WFDC1: variants seen among roughly 807,000 people sequenced by gnomAD.
WFDC1 encodes WAP four-disulfide core domain 1.
Under a neutral mutation model 32.9 loss-of-function variants are expected in WFDC1, and 39 were observed. The observed-to-expected ratio is 1.19, with a 90% CI of 0.92 to 1.55. The LOEUF (loss-of-function observed/expected upper bound fraction) is 1.55. WFDC1 is among the 40% of genes most tolerant of loss of function. The pLI, the probability that WFDC1 is intolerant of heterozygous loss-of-function variation, is 0.00. For missense variants in WFDC1, 386 were observed against 309.5 expected, an observed-to-expected ratio of 1.25 and a Z score of -1.85; for synonymous variants, 184 against 137.4, an observed-to-expected ratio of 1.34 and a Z score of -2.37.
At chr16:84,320,724 A>G (rs971675842) in intron 4 of WFDC1, among the ~76,000 whole-genome samples, 1 of 152,182 alleles carries the variant, frequency 6.6e-6, no homozygotes, top group Non-Finnish European at 1.5e-5. Flanking sequence ...TCAGACTGAG[A>G]CCACACCCAG....
chr16:84,321,498 A>C (rs1011789688), intron 4 of WFDC1, among the ~76,000 whole-genome samples: 1 of 152,212 alleles, frequency 6.6e-6, no homozygotes, highest in Non-Finnish European at 1.5e-5. Context: ...ATTTATAATA[A>C]TGACGGCATA....
intron 1 of WFDC1, among the ~76,000 whole-genome samples, chr16:84,304,063 T>C (rs938912714): frequency 6.6e-6 from 1 of 152,230 alleles, no homozygotes; most frequent in Non-Finnish European, 1.5e-5. Flanking sequence ...CCTTCACTTA[T>C]GTATCCAGCC....
intron 5 of WFDC1, among the ~76,000 whole-genome samples, chr16:84,324,892 C>T (rs1392983260): frequency 6.6e-6 from 1 of 151,974 alleles, no homozygotes; most frequent in African/African-American, 2.4e-5. Context: ...TTCATCCATC[C>T]ATCCTCTCAT....
intron 2 of WFDC1, among the ~76,000 whole-genome samples, chr16:84,313,561 C>A (rs766391048): frequency 2.0e-5 from 3 of 152,196 alleles, no homozygotes; most frequent in Non-Finnish European, 4.4e-5. Flanking sequence ...CTTTAAAATA[C>A]CGGACCATGT....
chr16:84,297,411 A>T (rs1906660691), intron 1 of WFDC1, among the ~76,000 whole-genome samples: 1 of 152,132 alleles, frequency 6.6e-6, no homozygotes, highest in South Asian at 2.1e-4. Flanking sequence ...TGAGGTCAGG[A>T]GTTCAAGACC....
Position 84,302,517 on chromosome 16 carries a change from C to T in WFDC1, c.144+7402C>T, listed in dbSNP as rs561266396. 6.6e-5 allele frequency among the ~76,000 whole-genome samples: 10 copies of T among 152,116 alleles called. No individual in the cohort carries two copies. The South Asian group carries it at 2.1e-3, about 32-fold the overall frequency. ...TCTCAGCAAGTGTCCGCTCACGGTG[C>T]CCACTCCGGCTCGTGGGTCATCGTA... On this transcript the variant is annotated intron_variant, in intron 1 of 6. Coordinates refer to ENST00000219454, the MANE Select transcript of WFDC1 (RefSeq NM_021197.4).
intron 5 of WFDC1, 43 bp downstream of exon 5, chr16:84,324,503 A>T (rs1031304110): frequency 1.3e-6 from 2 of 1,597,972 alleles, no homozygotes; most frequent in African/African-American, 2.7e-5. Flanking sequence ...GGCACAAAAA[A>T]AAGGCAGTGA....
rs1304243184 is a variant in WFDC1 at position 84,319,518 on chromosome 16, TG to T, written c.511del (p.Ala171ProfsTer57). The T allele has an allele frequency of 1.2e-6, 2 of 1,612,930 alleles. No homozygotes were observed. The highest frequency in any genetic ancestry group is 2.7e-5 in the African/African-American group (2 of 74,894). Reference sequence around the variant, plus strand: ...TGCCACATCCTGAGCCCAGGTGACGTGGCCGAAGGTATCCCCAACCGTGGGC... The same window carrying T: ...TGCCACATCCTGAGCCCAGGTGACGTGCCGAAGGTATCCCCAACCGTGGGC... ...YECHILSPGD[V>X]AEGIPNRGQC... On this transcript the variant is annotated frameshift_variant, in exon 4 of 7. Transcript: ENST00000219454. LOFTEE classifies it high-confidence loss of function.
chr16:84,315,788 T>G (rs1000580360), intron 2 of WFDC1, among the ~76,000 whole-genome samples: 3 of 152,186 alleles, frequency 2.0e-5, no homozygotes, highest in Non-Finnish European at 2.9e-5. Flanking sequence ...CTGGTCTAAC[T>G]CAGGCCCTGT....
intron 1 of WFDC1, among the ~76,000 whole-genome samples, chr16:84,300,182 G>C (rs923615619): frequency 1.3e-5 from 2 of 152,242 alleles, no homozygotes; most frequent in Admixed American, 6.5e-5. Flanking sequence ...CTGGCCTGAA[G>C]GCTTTCTCTG....
At chr16:84,296,683 A>G (rs1862807) in intron 1 of WFDC1, among the ~76,000 whole-genome samples, 5,569 of 152,244 alleles carry the variant, frequency 0.037, 140 homozygotes, top group Non-Finnish European at 0.055. Flanking sequence ...TGGAAAGAGT[A>G]GTAGAGTGAC....
intron 4 of WFDC1, among the ~76,000 whole-genome samples, chr16:84,323,791 A>C (rs1042607348): frequency 2.0e-5 from 3 of 152,162 alleles, no homozygotes; most frequent in Non-Finnish European, 4.4e-5. Flanking sequence ...TTTACTCAAC[A>C]GTGTGTTGAA....
chr16:84,324,677 G>A (rs1908485500), intron 5 of WFDC1, among the ~76,000 whole-genome samples: 2 of 152,196 alleles, frequency 1.3e-5, no homozygotes, highest in African/African-American at 4.8e-5. Flanking sequence ...ATGCTGAAGA[G>A]CAGAGCCTGG....
At position 84,319,163 on chromosome 16, in the gene WFDC1, A is replaced by T. The variant is rs569163890; in HGVS notation, c.422-268A>T. 3.6e-4 allele frequency: 185 copies of T among 516,960 alleles called. 1 individual carries two copies. The South Asian group carries it at 5.0e-3, about 14-fold the overall frequency. The allele number at this position is 516,960 out of a possible 1,614,324, so 32.0% of individuals were successfully genotyped here. On this transcript the variant is annotated intron_variant, in intron 3 of 6. Coordinates refer to ENST00000219454, the MANE Select transcript of WFDC1 (RefSeq NM_021197.4). The stretch of plus-strand genomic sequence containing the variant: ...TGTATCCGTGAACATGTCTATATGG[A>T]TGTTGCTGAGCCTGTGAGAGTATGT...
chr16:84,301,996 G>A (rs1362796633), intron 1 of WFDC1, among the ~76,000 whole-genome samples: 1 of 152,230 alleles, frequency 6.6e-6, no homozygotes, highest in Non-Finnish European at 1.5e-5. Context: ...TGCCCATGGG[G>A]TGAGCACATC....
chr16:84,298,483 T>C (rs960763781), intron 1 of WFDC1, among the ~76,000 whole-genome samples: 5 of 152,206 alleles, frequency 3.3e-5, no homozygotes, highest in African/African-American at 1.2e-4. Context: ...TTATGTCTTT[T>C]GCATCCGTGT....
chr16:84,324,420 T>C lies in WFDC1; in HGVS notation c.564T>C (p.Asp188=). ...GQCVKQRRQA[D]GRILRHKLYK... ...TTTTTCCTCTCACTTGTTTTCCAGA[T>C]GGGCGAATCCTACGACACAAACTTT... The change falls in exon 5 of 7, where the codon GAT becomes GAC. Residue 188 remains aspartate (D), a splice_region_variant and synonymous_variant. Coordinates refer to ENST00000219454, the MANE Select transcript of WFDC1 (RefSeq NM_021197.4). 6.2e-7 allele frequency: 1 copy of C among 1,613,816 alleles called. No individual in the cohort carries two copies. The highest frequency in any genetic ancestry group is 1.1e-5 in the South Asian group (1 of 90,928).
intron 1 of WFDC1, among the ~76,000 whole-genome samples, chr16:84,306,862 G>C (rs561846441): frequency 3.5e-4 from 53 of 152,284 alleles, no homozygotes; most frequent in African/African-American, 1.3e-3. Context: ...ACGAGCCAGG[G>C]ACACAGGTAA....
At chr16:84,324,123 GAA>G (rs60988353) in intron 4 of WFDC1, among the ~76,000 whole-genome samples, 4,540 of 149,386 alleles carry the variant, frequency 0.03, 111 homozygotes, top group South Asian at 0.097. Context: ...TCGTCTAAAA[GAA>G]AAAAAAAAAA....
Sources: gnomAD v4.1 joint callset for allele counts (sites outside exome capture counted in the v4.1 genomes callset) on GRCh38, gnomAD v4.1.1 for gene constraint, MANE v1.5 for transcripts, NCBI Gene and HGNC (gene_info 2026-07-23, HGNC 2026-07-21) for gene names.